Variants in PTPRN2 observed in about 807,000 individuals in gnomAD.
PTPRN2 encodes the protein protein tyrosine phosphatase receptor type N2.
Under a neutral mutation model 118.8 loss-of-function variants are expected in PTPRN2, and 74 were observed. That is an observed-to-expected ratio of 0.62 (90% confidence interval 0.52 to 0.76). PTPRN2 has a LOEUF of 0.76. PTPRN2 is among the 30% of genes least tolerant of loss of function. The pLI, the probability that PTPRN2 is intolerant of heterozygous loss-of-function variation, is 0.00. For synonymous variants in PTPRN2, 641 were observed against 608.0 expected, an observed-to-expected ratio of 1.05 and a Z score of -0.80; for missense variants, 1,481 against 1,394.4, an observed-to-expected ratio of 1.06 and a Z score of -0.99.
chr7:157,589,242 G>T (rs1022109255), intron 17 of PTPRN2, among the ~76,000 whole-genome samples: 10 of 152,218 alleles, frequency 6.6e-5, no homozygotes, highest in African/African-American at 2.2e-4. Flanking sequence ...CAGGGTCAAT[G>T]GCTCGGCCAA....
At chr7:158,270,783 AC>A (rs1335812910) in intron 3 of PTPRN2, among the ~76,000 whole-genome samples, 3 of 51,272 alleles carry the variant, frequency 5.9e-5, no homozygotes, top group Admixed American at 2.2e-4. Flanking sequence ...CACCTGGACC[AC>A]CCCTCCACCT....
chr7:157,564,239 C>T (rs1030849393), intron 21 of PTPRN2, among the ~76,000 whole-genome samples: 4 of 152,200 alleles, frequency 2.6e-5, no homozygotes, highest in African/African-American at 9.6e-5. Flanking sequence ...TCAAGTGATT[C>T]TCCTGCCTCA....
chr7:158,408,591 T>C, intron 2 of PTPRN2, among the ~76,000 whole-genome samples: 1 of 152,126 alleles, frequency 6.6e-6, no homozygotes, highest in Middle Eastern at 3.2e-3. Context: ...AAAATCAAAA[T>C]CATAAAACAA....
chr7:158,428,175 C>A (rs1205051916), intron 2 of PTPRN2, among the ~76,000 whole-genome samples: 1 of 152,236 alleles, frequency 6.6e-6, no homozygotes. Flanking sequence ...GAATGAAATT[C>A]ACTCCTGTAA....
chr7:158,337,432 G>T (rs1241669354), intron 2 of PTPRN2, among the ~76,000 whole-genome samples: 7 of 47,802 alleles, frequency 1.5e-4, no homozygotes, highest in African/African-American at 2.6e-4. Context: ...CTCACCATAA[G>T]AGGTGACACC....
At chr7:157,998,828 A>C (rs576728469) in intron 11 of PTPRN2, among the ~76,000 whole-genome samples, 11 of 151,858 alleles carry the variant, frequency 7.2e-5, no homozygotes, top group Non-Finnish European at 1.0e-4. Context: ...AAAAAAAAAA[A>C]AAAAAAAAAC....
At chr7:157,950,598 C>A (rs953302263) in intron 11 of PTPRN2, among the ~76,000 whole-genome samples, 4 of 152,200 alleles carry the variant, frequency 2.6e-5, no homozygotes, top group Non-Finnish European at 4.4e-5. Flanking sequence ...ATTTCTCTGA[C>A]GTCTCTAGAT....
chr7:158,428,634 G>C (rs1426336435), intron 2 of PTPRN2, among the ~76,000 whole-genome samples: 2 of 152,162 alleles, frequency 1.3e-5, no homozygotes. Context: ...ATCTGTCACA[G>C]AGTCACCATT....
chr7:158,166,409 T>TC (rs1822992076), intron 6 of PTPRN2, among the ~76,000 whole-genome samples: 1 of 55,570 alleles, frequency 1.8e-5, no homozygotes, highest in Non-Finnish European at 3.6e-5. Flanking sequence ...CATCTCCTCC[T>TC]CCCCCCGGGT....
At chr7:158,535,390 G>C (rs1027304935) in intron 1 of PTPRN2, among the ~76,000 whole-genome samples, 3 of 152,140 alleles carry the variant, frequency 2.0e-5, no homozygotes, top group Admixed American at 6.5e-5. Flanking sequence ...GTAAATTGGG[G>C]ATTTAAAATG....
intron 11 of PTPRN2, among the ~76,000 whole-genome samples, chr7:157,900,305 T>C (rs1180805325): frequency 6.6e-6 from 1 of 152,234 alleles, no homozygotes; most frequent in East Asian, 1.9e-4. Flanking sequence ...GTCATGGCTG[T>C]GTTCCAACAA....
intron 3 of PTPRN2, among the ~76,000 whole-genome samples, chr7:158,230,032 T>G (rs143368025): frequency 1.3e-5 from 2 of 152,234 alleles, no homozygotes; most frequent in East Asian, 3.9e-4. Context: ...CAGCTCTCAT[T>G]TGTCTGGCAA....
intron 12 of PTPRN2, among the ~76,000 whole-genome samples, chr7:157,809,632 C>T (rs746216410): frequency 7.2e-5 from 11 of 152,182 alleles, no homozygotes; most frequent in Non-Finnish European, 1.2e-4. Flanking sequence ...AGCACAGACA[C>T]GCCCCGAGGA....
At chr7:157,833,605 G>A (rs1483448519) in intron 12 of PTPRN2, among the ~76,000 whole-genome samples, 5 of 152,038 alleles carry the variant, frequency 3.3e-5, no homozygotes, top group Non-Finnish European at 7.4e-5. Context: ...TTCAGGAAGT[G>A]TGTGACGTGG....
chr7:158,357,894 C>T (rs1416531710), intron 2 of PTPRN2, among the ~76,000 whole-genome samples: 1 of 152,206 alleles, frequency 6.6e-6, no homozygotes, highest in Admixed American at 6.5e-5. Context: ...AACTAGAGGG[C>T]CCCGGCCAAG....
intron 11 of PTPRN2, among the ~76,000 whole-genome samples, chr7:157,919,593 C>T (rs1798591918): frequency 6.6e-6 from 1 of 151,870 alleles, no homozygotes; most frequent in Non-Finnish European, 1.5e-5. Context: ...GTGAATAAAC[C>T]CAAGAGCTTG....
intron 6 of PTPRN2, among the ~76,000 whole-genome samples, chr7:158,154,684 C>T (rs1323696838): frequency 1.3e-5 from 2 of 152,064 alleles, no homozygotes; most frequent in Non-Finnish European, 2.9e-5. Flanking sequence ...AAGTACAATT[C>T]CAAAAACTAC....
At chr7:158,394,735 G>A (rs1447572877) in intron 2 of PTPRN2, among the ~76,000 whole-genome samples, 2 of 152,240 alleles carry the variant, frequency 1.3e-5, no homozygotes, top group Non-Finnish European at 2.9e-5. Flanking sequence ...GGGGCGACAA[G>A]GACTGTAGGC....
intron 12 of PTPRN2, among the ~76,000 whole-genome samples, chr7:157,820,032 C>A (rs939957400): frequency 6.7e-6 from 1 of 150,216 alleles, no homozygotes; most frequent in Non-Finnish European, 1.5e-5. Flanking sequence ...ACACACACAC[C>A]CACAGTCACA....
Sources: gnomAD v4.1 joint callset for allele counts (sites outside exome capture counted in the v4.1 genomes callset) on GRCh38, gnomAD v4.1.1 for gene constraint, MANE v1.5 for transcripts, NCBI Gene and HGNC (gene_info 2026-07-23, HGNC 2026-07-21) for gene names.